The following ECM2 variants were observed in gnomAD, a reference collection of about 807,000 sequenced individuals.
The protein encoded by ECM2 is extracellular matrix protein 2, also known as extracellular matrix protein 2, female organ and adipocyte specific.
Under a neutral mutation model 67.5 loss-of-function variants are expected in ECM2, and 57 were observed. The ratio of observed to expected loss-of-function variants is 0.84; its 90% CI spans 0.68 to 1.05. The LOEUF is 1.05. ECM2 is among the 50% of genes least tolerant of loss of function. ECM2 has a pLI of 0.00. For missense variants in ECM2, 741 were observed against 822.8 expected (o/e 0.90, Z 1.22); for synonymous variants, 258 against 294.5 (o/e 0.88, Z 1.27).
rs1432723376 is a variant in ECM2 at position 92,512,138 on chromosome 9, A to G, written c.1055-12T>C. 2.5e-6 allele frequency: 4 copies of G among 1,599,806 alleles called. No individual in the cohort carries two copies. The highest frequency in any genetic ancestry group is 2.2e-5 in the East Asian group (1 of 44,782). On this transcript the variant is annotated splice_polypyrimidine_tract_variant and intron_variant, in intron 4 of 9. Transcript: ENST00000344604. The stretch of plus-strand genomic sequence containing the variant: ...GGCGATGGAATTGCCTAGGACACAC[A>G]GCGGTTATGTTTTAGGCATGTGTGC...
At chr9:92,542,732 G>T in the ECM2 span, among the ~76,000 whole-genome samples, 3 of 152,160 alleles carry the variant, frequency 2.0e-5, no homozygotes, top group Non-Finnish European at 4.4e-5. Flanking sequence ...GGCCAGGATT[G>T]TCTTGATCTG....
intron 1 of ECM2, among the ~76,000 whole-genome samples, chr9:92,533,331 ATATATATATATAT>A (rs1848971086): frequency 3.8e-5 from 3 of 79,096 alleles, no homozygotes; most frequent in Admixed American, 1.7e-4. Context: ...AAAAAAAAAT[ATATATATATATAT>A]ATATATATAT....
intron 7 of ECM2, 150 bp downstream of exon 7, chr9:92,505,383 G>A (rs920438009): frequency 7.2e-6 from 5 of 690,600 alleles, no homozygotes; most frequent in Admixed American, 3.7e-5. Context: ...ATTGCTTGAA[G>A]AAAAAACAAT....
Position 92,512,086 on chromosome 9 carries a change from T to C in ECM2, c.1095A>G (p.Gly365=). Residue 365 remains glycine (G), a synonymous_variant, in exon 5 of 10, where the codon GGA becomes GGG. Coordinates refer to ENST00000344604, the MANE Select transcript of ECM2 (RefSeq NM_001393.4). ...IASIPDEAFN[G]LPNLERLDLS... ...GATCAAGCCTTTCCAAATTTGGTAA[T>C]CCATTAAATGCTTCATCTGGGATGG... 6.2e-7 allele frequency: 1 copy of C among 1,613,930 alleles called. No individual in the cohort carries two copies. Among genetic ancestry groups the C allele is most frequent in the South Asian group, 1.1e-5 (1 of 91,056 alleles).
At chr9:92,503,735 AT>A (rs1178755964) in intron 7 of ECM2, among the ~76,000 whole-genome samples, 1 of 152,196 alleles carries the variant, frequency 6.6e-6, no homozygotes, top group Non-Finnish European at 1.5e-5. Context: ...TAATTTTGGT[AT>A]TTGTTAGAAA....
chr9:92,552,065 A>T, the ECM2 span, among the ~76,000 whole-genome samples: 1 of 131,610 alleles, frequency 7.6e-6, no homozygotes, highest in Non-Finnish European at 1.6e-5. Flanking sequence ...CATATATGTG[A>T]TATGATAGAT....
At chr9:92,541,133 C>A (rs930233003), upstream of ECM2, among the ~76,000 whole-genome samples, 12 of 151,852 alleles carry the variant, frequency 7.9e-5, no homozygotes, top group Admixed American at 6.6e-4. Flanking sequence ...GTGGCGGGTG[C>A]CTATAGTCCC....
chr9:92,552,127 T>G, the ECM2 span, among the ~76,000 whole-genome samples: 8 of 145,630 alleles, frequency 5.5e-5, no homozygotes, highest in Non-Finnish European at 1.1e-4. Context: ...ATATGATAGA[T>G]CTATCATATA....
At chr9:92,540,114 T>G (rs3927488), upstream of ECM2, among the ~76,000 whole-genome samples, 63,793 of 152,112 alleles carry the variant, frequency 0.42, 15,641 homozygotes, top group African/African-American at 0.68. Flanking sequence ...ATACTGATAG[T>G]TTGATACCAA....
chr9:92,555,930 C>T, the ECM2 span, among the ~76,000 whole-genome samples: 13 of 151,960 alleles, frequency 8.6e-5, no homozygotes, highest in Non-Finnish European at 1.5e-4. Context: ...CTTTCTTCTG[C>T]TGGGTCTGTG....
upstream of ECM2, among the ~76,000 whole-genome samples, chr9:92,537,969 G>A (rs1849229287): frequency 6.6e-6 from 1 of 152,000 alleles, no homozygotes; most frequent in Non-Finnish European, 1.5e-5. Flanking sequence ...TTTTTTGGGG[G>A]AAAAAAATGT....
At chr9:92,547,632 A>G in the ECM2 span, among the ~76,000 whole-genome samples, 1 of 152,226 alleles carries the variant, frequency 6.6e-6, no homozygotes, top group Non-Finnish European at 1.5e-5. Context: ...GAGAAAGTAC[A>G]TTAGTGGTTG....
At chr9:92,496,621 C>G in intron 9 of ECM2, 138 bp from the exon 10 acceptor site, 2 of 1,046,262 alleles carry the variant, frequency 1.9e-6, no homozygotes, top group Non-Finnish European at 2.6e-6. Flanking sequence ...ATTCCAACTA[C>G]GTCAGAGATT....
chr9:92,511,949 C>T, intron 5 of ECM2, 62 bp downstream of exon 5: 3 of 1,298,778 alleles, frequency 2.3e-6, no homozygotes, highest in Non-Finnish European at 3.2e-6. Context: ...TCCCCATCTC[C>T]AACCAATGCA....
chr9:92,526,293 G>C (rs574529113), intron 1 of ECM2, among the ~76,000 whole-genome samples: 5 of 152,234 alleles, frequency 3.3e-5, no homozygotes, highest in African/African-American at 1.2e-4. Flanking sequence ...ACGCTATAAA[G>C]AAAGAAAATA....
At chr9:92,536,991 T>G (rs1401359458), upstream of ECM2, among the ~76,000 whole-genome samples, 1 of 151,884 alleles carries the variant, frequency 6.6e-6, no homozygotes, top group Non-Finnish European at 1.5e-5. Flanking sequence ...TGCCTCAGCT[T>G]CCCGAGTAGG....
the ECM2 span, among the ~76,000 whole-genome samples, chr9:92,546,848 T>C: frequency 2.0e-5 from 3 of 152,216 alleles, no homozygotes; most frequent in Non-Finnish European, 2.9e-5. Context: ...AAATTGTCTA[T>C]AACTATTGAG....
chr9:92,531,813 G>A (rs1848771338), intron 1 of ECM2, among the ~76,000 whole-genome samples: 2 of 151,808 alleles, frequency 1.3e-5, no homozygotes, highest in Admixed American at 6.6e-5. Context: ...TTCCTTTTGT[G>A]CAGATGTGTT....
intron 1 of ECM2, among the ~76,000 whole-genome samples, chr9:92,533,228 A>AG (rs563832448): frequency 0.04 from 5,130 of 129,642 alleles, 130 homozygotes; most frequent in Middle Eastern, 0.069. Flanking sequence ...TGAACCCGGG[A>AG]GGTGGAGGTT....
Sources: gnomAD v4.1 joint callset for allele counts (sites outside exome capture counted in the v4.1 genomes callset) on GRCh38, gnomAD v4.1.1 for gene constraint, MANE v1.5 for transcripts, NCBI Gene and HGNC (gene_info 2026-07-23, HGNC 2026-07-21) for gene names.